Variants in ZFPM2 observed in about 807,000 individuals in gnomAD.
The protein encoded by ZFPM2 is zinc finger protein ZFPM2.
ZFPM2 carries 20 observed loss-of-function variants against 98.6 expected under a neutral mutation model. That is an observed-to-expected ratio of 0.20 (90% confidence interval 0.14 to 0.29). ZFPM2 has a LOEUF of 0.29. ZFPM2 is among the 10% of genes least tolerant of loss of function. The pLI is 1.00. For missense variants in ZFPM2, 1,310 were observed against 1,388.6 expected (o/e 0.94, Z 0.90); for synonymous variants, 518 against 502.7 (o/e 1.03, Z -0.41).
chr8:105,483,529 G>T (rs1165620194), intron 3 of ZFPM2, among the ~76,000 whole-genome samples: 1 of 151,264 alleles, frequency 6.6e-6, no homozygotes, highest in East Asian at 2.0e-4. Flanking sequence ...GGCAGAGGTT[G>T]CAGTGAGCTG....
chr8:105,608,894 T>A (rs1241050630), intron 4 of ZFPM2, among the ~76,000 whole-genome samples: 1 of 152,086 alleles, frequency 6.6e-6, no homozygotes, highest in Non-Finnish European at 1.5e-5. Flanking sequence ...AACTATTTTT[T>A]TAATTAGTCA....
chr8:105,396,249 T>G lies in ZFPM2; in HGVS notation c.41-22895T>G, dbSNP rs80282162. Among the ~76,000 whole-genome samples, 559 of 152,288 alleles carry G rather than the reference T, an allele frequency of 3.7e-3. 8 individuals are homozygous for G. The highest frequency in any genetic ancestry group is 0.012 in the African/African-American group (518 of 41,572). ...TCACATAACATATTCGTTAGATACATGTGAATATGCAAACATTGACTATAG... is the reference window on the plus strand; with the variant it reads ...TCACATAACATATTCGTTAGATACAGGTGAATATGCAAACATTGACTATAG... On this transcript the variant is annotated intron_variant, in intron 1 of 7. Coordinates refer to ENST00000407775, the MANE Select transcript of ZFPM2 (RefSeq NM_012082.4).
At chr8:105,763,280 G>A (rs1003829066) in intron 5 of ZFPM2, among the ~76,000 whole-genome samples, 10 of 151,514 alleles carry the variant, frequency 6.6e-5, no homozygotes, top group South Asian at 2.1e-4. Context: ...AAATTGCAGC[G>A]GACAATAGAG....
intron 5 of ZFPM2, among the ~76,000 whole-genome samples, chr8:105,685,495 A>C (rs1337742134): frequency 6.6e-6 from 1 of 152,078 alleles, no homozygotes; most frequent in Non-Finnish European, 1.5e-5. Flanking sequence ...TATATTTTCT[A>C]CTCAAAAGAT....
At chr8:105,753,090 G>C (rs1465418156) in intron 5 of ZFPM2, among the ~76,000 whole-genome samples, 24 of 152,112 alleles carry the variant, frequency 1.6e-4, no homozygotes, top group Non-Finnish European at 4.4e-5. Context: ...CCCAAAGGGG[G>C]CGTGCTCCTC....
chr8:105,779,188 T>C (rs2131106858), intron 5 of ZFPM2, among the ~76,000 whole-genome samples: 2 of 152,332 alleles, frequency 1.3e-5, no homozygotes, highest in East Asian at 3.9e-4. Flanking sequence ...AGTTTCACAC[T>C]GATATTCCTA....
intron 5 of ZFPM2, among the ~76,000 whole-genome samples, chr8:105,730,567 G>A (rs954430179): frequency 1.3e-5 from 2 of 151,740 alleles, no homozygotes; most frequent in Admixed American, 1.3e-4. Flanking sequence ...CCTAACCCCA[G>A]TGGTCTCTTT....
chr8:105,324,009 A>G (rs1164143435), intron 1 of ZFPM2, among the ~76,000 whole-genome samples: 3 of 151,842 alleles, frequency 2.0e-5, no homozygotes, highest in South Asian at 2.1e-4. Flanking sequence ...TGAATTTTCT[A>G]TAAATTGCAG....
rs560061432 is a variant in ZFPM2, at chr8:105,802,267, A to T, written c.2185A>T (p.Met729Leu). The change falls in exon 8 of 8, where the codon ATG (methionine) becomes TTG (leucine). Residue 729 changes from methionine (M) to leucine (L), a missense_variant. Transcript: ENST00000407775. ...KRSASNKVPA[M>L]QRTMRTRKRR... ...GTCTGCTTCCAACAAAGTGCCTGCC[A>T]TGCAGAGAACCATGCGCACACGCAA... 1.2e-6 allele frequency: 2 copies of T among 1,613,846 alleles called. No homozygotes were observed. The highest frequency in any genetic ancestry group is 2.7e-5 in the African/African-American group (2 of 75,052).
At chr8:105,338,475 G>A (rs1475829153) in intron 1 of ZFPM2, among the ~76,000 whole-genome samples, 1 of 151,810 alleles carries the variant, frequency 6.6e-6, no homozygotes, top group African/African-American at 2.4e-5. Context: ...GATAACTTTT[G>A]TTAAGTCTTT....
chr8:105,637,655 A>C (rs1816873471), intron 5 of ZFPM2, among the ~76,000 whole-genome samples: 1 of 152,046 alleles, frequency 6.6e-6, no homozygotes, highest in Non-Finnish European at 1.5e-5. Flanking sequence ...AAGTTGTGTC[A>C]ATACCTTAAT....
At chr8:105,675,704 G>T (rs748265733) in intron 5 of ZFPM2, among the ~76,000 whole-genome samples, 7 of 152,244 alleles carry the variant, frequency 4.6e-5, no homozygotes, top group South Asian at 4.1e-4. Context: ...GGCGGAGATT[G>T]TCAGAAGGAG....
At chr8:105,740,685 A>G (rs1031048724) in intron 5 of ZFPM2, among the ~76,000 whole-genome samples, 2 of 151,578 alleles carry the variant, frequency 1.3e-5, no homozygotes, top group African/African-American at 4.8e-5. Flanking sequence ...TATTTAATAA[A>G]TAGTTAGAAA....
chr8:105,455,595 TA>T (rs1234262226), intron 3 of ZFPM2, among the ~76,000 whole-genome samples: 1 of 141,838 alleles, frequency 7.1e-6, no homozygotes, highest in East Asian at 2.5e-4. Context: ...GCATTAAGAA[TA>T]AAAAAAGAAA....
At position 105,710,391 on chromosome 8, in the gene ZFPM2, A is replaced by G. The variant is rs565787474; in HGVS notation, c.532+76034A>G. 2.6e-5 allele frequency among the ~76,000 whole-genome samples: 4 copies of G among 152,238 alleles called. No individual in the cohort carries two copies. The East Asian group carries it at 7.7e-4, about 29-fold the overall frequency. ...GGTAAATTGCCCATTGGCTCTTAAT[A>G]AGCATATCACTTCTGCCTAGATTTC... On this transcript the variant is annotated intron_variant, in intron 5 of 7. Coordinates refer to ENST00000407775, the MANE Select transcript of ZFPM2 (RefSeq NM_012082.4).
At chr8:105,505,548 T>G (rs567752687) in intron 3 of ZFPM2, among the ~76,000 whole-genome samples, 1 of 152,158 alleles carries the variant, frequency 6.6e-6, no homozygotes, top group Non-Finnish European at 1.5e-5. Flanking sequence ...CTTTTTTTTT[T>G]CTGTTGACAT....
intron 1 of ZFPM2, among the ~76,000 whole-genome samples, chr8:105,360,385 A>C (rs1292463433): frequency 6.6e-6 from 1 of 151,984 alleles, no homozygotes; most frequent in East Asian, 1.9e-4. Context: ...TTGAGGAAAC[A>C]GATGAAAAAT....
chr8:105,565,863 C>T (rs1815233032), intron 4 of ZFPM2, among the ~76,000 whole-genome samples: 1 of 152,044 alleles, frequency 6.6e-6, no homozygotes, highest in Non-Finnish European at 1.5e-5. Flanking sequence ...TAGGATTCTC[C>T]AGAGAAACAG....
At chr8:105,502,807 C>T (rs375960057) in intron 3 of ZFPM2, among the ~76,000 whole-genome samples, 32 of 152,258 alleles carry the variant, frequency 2.1e-4, no homozygotes, top group African/African-American at 7.0e-4. Context: ...ATGGTCTAGA[C>T]CATACTTGGG....
Sources: gnomAD v4.1 joint callset for allele counts (sites outside exome capture counted in the v4.1 genomes callset) on GRCh38, gnomAD v4.1.1 for gene constraint, MANE v1.5 for transcripts, NCBI Gene and HGNC (gene_info 2026-07-23, HGNC 2026-07-21) for gene names.